Variants in CC2D2B observed in about 807,000 individuals in gnomAD.
CC2D2B encodes the protein protein CC2D2B.
In CC2D2B, 128 loss-of-function variants were observed where a neutral mutation model predicts 161.2. That is an observed-to-expected ratio of 0.79 (90% confidence interval 0.69 to 0.92). The LOEUF is 0.92. Among genes scored for constraint, CC2D2B ranks in the 40% least tolerant of loss-of-function variants. The pLI is 0.00. For missense variants in CC2D2B, 1,173 were observed against 1,375.1 expected, an observed-to-expected ratio of 0.85 and a Z score of 2.32; for synonymous variants, 391 against 449.8, an observed-to-expected ratio of 0.87 and a Z score of 1.65.
chr10:95,919,008 C>T (rs2098521760), intron 2 of CC2D2B: 1 of 152,052 alleles, frequency 6.6e-6, no homozygotes. Flanking sequence ...TCATAACATT[C>T]TGAATTCTTT....
chr10:95,926,824 G>GTGTGTGTGTGTGTGTA (rs2098539538), intron 5 of CC2D2B, among the ~76,000 whole-genome samples: 1 of 131,056 alleles, frequency 7.6e-6, no homozygotes, highest in Non-Finnish European at 1.7e-5. Flanking sequence ...CAGTGTGTGT[G>GTGTGTGTGTGTGTGTA]TGTGTGTGTG....
intron 2 of CC2D2B, among the ~76,000 whole-genome samples, chr10:95,917,238 T>G (rs1177219121): frequency 6.6e-6 from 1 of 152,218 alleles, no homozygotes; most frequent in African/African-American, 2.4e-5. Flanking sequence ...ACTATCTTTT[T>G]TCATCCTTTT....
chr10:95,934,324 GGTGGGATCCACAAA>G (rs1312947068), intron 6 of CC2D2B, among the ~76,000 whole-genome samples: 1 of 152,104 alleles, frequency 6.6e-6, no homozygotes, highest in Non-Finnish European at 1.5e-5. Flanking sequence ...GCTCCGTCGG[GGTGGGATCCACAAA>G]GCTAGACCAC....
chr10:95,965,791 G>GTGTGTC (rs1375179970), intron 12 of CC2D2B, 105 bp from the exon 13 acceptor site: 4 of 299,346 alleles, frequency 1.3e-5, no homozygotes, highest in Non-Finnish European at 2.1e-5. Context: ...GGTTTTGTGT[G>GTGTGTC]TGTGTGTGTG....
At chr10:96,002,637 A>G (rs1351655029) in intron 24 of CC2D2B, among the ~76,000 whole-genome samples, 1 of 152,224 alleles carries the variant, frequency 6.6e-6, no homozygotes, top group Non-Finnish European at 1.5e-5. Context: ...ATGAAAGGAA[A>G]TCCTTGAGGA....
chr10:95,933,967 G>A (rs2075711988), intron 6 of CC2D2B, among the ~76,000 whole-genome samples: 1 of 152,198 alleles, frequency 6.6e-6, no homozygotes, highest in Admixed American at 6.5e-5. Flanking sequence ...TAAGTCTGCT[G>A]AAGCTGTGCC....
At chr10:95,924,515 C>T in intron 4 of CC2D2B, 125 bp downstream of exon 4, 1 of 561,764 alleles carries the variant, frequency 1.8e-6, no homozygotes, top group Non-Finnish European at 3.1e-6. Flanking sequence ...TTCCTAAAGT[C>T]TTCCTCTCTC....
chr10:96,008,203 C>G (rs2078841955), intron 25 of CC2D2B, among the ~76,000 whole-genome samples: 1 of 134,400 alleles, frequency 7.4e-6, no homozygotes, highest in South Asian at 2.3e-4. Context: ...TTCTTTTACT[C>G]AGAAAAATTA....
At chr10:95,946,762 C>G (rs773843541) in intron 9 of CC2D2B, among the ~76,000 whole-genome samples, 2 of 151,972 alleles carry the variant, frequency 1.3e-5, no homozygotes, top group Admixed American at 1.3e-4. Context: ...ATTTAGGCAC[C>G]GTACAGATGG....
At chr10:95,931,248 T>C (rs1035077267) in intron 6 of CC2D2B, among the ~76,000 whole-genome samples, 8 of 152,202 alleles carry the variant, frequency 5.3e-5, no homozygotes, top group African/African-American at 1.4e-4. Flanking sequence ...TTATCGTTTT[T>C]TATTGTGTCT....
At chr10:95,981,811 G>A (rs1590727562) in intron 17 of CC2D2B, among the ~76,000 whole-genome samples, 164 bp from the exon 18 acceptor site, 1 of 152,140 alleles carries the variant, frequency 6.6e-6, no homozygotes, top group Admixed American at 6.5e-5. Context: ...TAGGAGAGAT[G>A]TCACATCTCA....
At chr10:95,912,697 G>C (rs1278947697) in intron 2 of CC2D2B, among the ~76,000 whole-genome samples, 1 of 152,106 alleles carries the variant, frequency 6.6e-6, no homozygotes, top group Admixed American at 6.6e-5. Context: ...ATATATGTCT[G>C]ATCTCACTTG....
chr10:96,029,429 A>G (rs1273971067), intron 34 of CC2D2B, among the ~76,000 whole-genome samples: 4 of 151,694 alleles, frequency 2.6e-5, no homozygotes, highest in Non-Finnish European at 5.9e-5. Context: ...GCATGGCATT[A>G]ACTTGGAACC....
chr10:95,991,391 A>T lies in CC2D2B; in HGVS notation c.2401A>T (p.Arg801Ter). 8.9e-7 allele frequency: 1 copy of T among 1,121,006 alleles called. No individual in the cohort carries two copies. The highest frequency in any genetic ancestry group is 1.1e-6 in the Non-Finnish European group (1 of 886,196). The allele number at this position is 1,121,006 out of a possible 1,614,324, so 69.4% of individuals were successfully genotyped here. ...TTAGGTGAGAAGGTTGATAATGAAG[A>T]GAATTGTTAAAATTAGCAAATGTAA... is the stretch of plus-strand genomic sequence containing the variant. ...LKKVRRLIMK[R>*]IVKISKCNLS... The change falls in exon 21 of 35, where the codon AGA (arginine) becomes TGA (stop). Residue 801 changes from arginine (R) to a stop codon, truncating the protein, a stop_gained. Coordinates refer to ENST00000646931, the MANE Select transcript of CC2D2B (RefSeq NM_001349008.3). LOFTEE classifies it high-confidence loss of function.
chr10:95,939,420 G>A (rs114206219), intron 9 of CC2D2B, among the ~76,000 whole-genome samples: 2 of 152,146 alleles, frequency 1.3e-5, no homozygotes, highest in African/African-American at 4.8e-5. Context: ...ATCCAGTTTT[G>A]ACTATTACTA....
chr10:96,024,802 G>T, intron 32 of CC2D2B, 51 bp from the exon 33 acceptor site: 1 of 1,079,292 alleles, frequency 9.3e-7, no homozygotes, highest in South Asian at 1.4e-5. Context: ...GAGTGACTGT[G>T]ATGTAAACAT....
At chr10:96,006,849 A>G (rs2078770627) in intron 25 of CC2D2B, among the ~76,000 whole-genome samples, 1 of 152,166 alleles carries the variant, frequency 6.6e-6, no homozygotes, top group African/African-American at 2.4e-5. Flanking sequence ...ATGCAGACTC[A>G]CCACATACAC....
In CC2D2B at chr10:96,031,801, T is replaced by C. The variant is rs767329097; in HGVS notation, c.4126-19T>C. 62 of 1,604,710 alleles carry C rather than the reference T, an allele frequency of 3.9e-5. No individual in the cohort carries two copies. The highest frequency in any genetic ancestry group is 5.2e-5 in the Non-Finnish European group (61 of 1,173,088). ...CCAGTTGTAATGTGGGTTTATGTGC[T>C]GTTCTGTCTTTGATCCAGGTCACGG... is the stretch of plus-strand genomic sequence containing the variant. On this transcript the variant is annotated intron_variant, in intron 34 of 34. Coordinates refer to ENST00000646931, the MANE Select transcript of CC2D2B (RefSeq NM_001349008.3).
At chr10:95,993,951 TG>T in intron 22 of CC2D2B, among the ~76,000 whole-genome samples, 3 of 7,646 alleles carry the variant, frequency 3.9e-4, no homozygotes, top group Non-Finnish European at 2.6e-4. Context: ...TGTATGTATG[TG>T]TATATATATA....
Sources: allele counts gnomAD v4.1 joint callset (sites outside exome capture counted in the v4.1 genomes callset), GRCh38; gene constraint gnomAD v4.1.1; transcripts MANE v1.5; gene names NCBI Gene and HGNC (gene_info 2026-07-23, HGNC 2026-07-21).